The following MSI2 variants were observed in gnomAD, a reference collection of about 807,000 sequenced individuals.
The protein encoded by MSI2 is RNA-binding protein Musashi homolog 2.
In MSI2, 17 loss-of-function variants were observed where a neutral mutation model predicts 45.6. That is an observed-to-expected ratio of 0.37 (90% CI 0.26 to 0.56). MSI2 has a LOEUF of 0.56. Ranked by LOEUF, MSI2 falls within the 20% of genes least tolerant of loss-of-function variation. MSI2 has a pLI of 0.77. For synonymous variants in MSI2, 156 were observed against 158.2 expected (o/e 0.99, Z 0.11); for missense variants, 293 against 444.2 (o/e 0.66, Z 3.06).
chr17:57,338,350 G>A (rs1340156787), intron 5 of MSI2, among the ~76,000 whole-genome samples: 4 of 152,084 alleles, frequency 2.6e-5, no homozygotes, highest in Non-Finnish European at 4.4e-5. Context: ...TTGGCCCCCC[G>A]AAGTGCTGGG....
intron 4 of MSI2, 106 bp downstream of exon 4, chr17:57,258,460 T>C (rs1329554758): frequency 1.0e-6 from 1 of 989,540 alleles, no homozygotes; most frequent in Non-Finnish European, 1.6e-6. Context: ...GTGCTAGAAC[T>C]GGGTAGTTTT....
At chr17:57,484,009 G>C (rs916661590) in intron 6 of MSI2, among the ~76,000 whole-genome samples, 2 of 152,236 alleles carry the variant, frequency 1.3e-5, no homozygotes, top group Admixed American at 6.5e-5. Context: ...GGAACCGAGA[G>C]CTGGTTTTAC....
At chr17:57,264,512 C>T (rs929146746) in intron 5 of MSI2, 1 of 152,216 alleles carries the variant, frequency 6.6e-6, no homozygotes, top group African/African-American at 2.4e-5. Flanking sequence ...TGTGCCTGGC[C>T]AACCTGCTAT....
At chr17:57,639,285 G>T (rs537091636) in intron 10 of MSI2, among the ~76,000 whole-genome samples, 2 of 152,350 alleles carry the variant, frequency 1.3e-5, no homozygotes, top group African/African-American at 4.8e-5. Context: ...ATGAGGGAGG[G>T]TATTCCACCT....
Position 57,421,301 on chromosome 17 carries a change from A to G in MSI2, c.405+19830A>G, listed in dbSNP as rs375375222. On this transcript the variant is annotated intron_variant, in intron 6 of 13. Transcript: ENST00000284073. Reference sequence around the variant, plus strand: ...AAGCGCATGTTGACACTGAGAGGTCATGTGATTACTTTGACGGAGTATCTC... The same window carrying G: ...AAGCGCATGTTGACACTGAGAGGTCGTGTGATTACTTTGACGGAGTATCTC... Among the ~76,000 whole-genome samples the G allele has an allele frequency of 1.1e-3, 173 of 152,272 alleles. 1 individual carries two copies. The highest frequency in any genetic ancestry group is 4.1e-3 in the African/African-American group (169 of 41,566).
intron 7 of MSI2, among the ~76,000 whole-genome samples, chr17:57,570,545 C>T (rs17834633): frequency 0.069 from 10,513 of 152,194 alleles, 455 homozygotes; most frequent in Middle Eastern, 0.12. Context: ...AGACCCAAGT[C>T]GAATCTCTTC....
At chr17:57,498,829 A>G (rs536064090) in intron 6 of MSI2, among the ~76,000 whole-genome samples, 1 of 151,866 alleles carries the variant, frequency 6.6e-6, no homozygotes, top group South Asian at 2.1e-4. Context: ...CAGATTTGTT[A>G]TATATGTATA....
intron 7 of MSI2, among the ~76,000 whole-genome samples, chr17:57,580,392 C>T (rs998628076): frequency 2.0e-5 from 3 of 152,198 alleles, no homozygotes; most frequent in Non-Finnish European, 4.4e-5. Flanking sequence ...TGGCATTTGA[C>T]TTCAGGGCTT....
At chr17:57,346,856 C>T (rs1448071651) in intron 5 of MSI2, among the ~76,000 whole-genome samples, 1 of 152,160 alleles carries the variant, frequency 6.6e-6, no homozygotes, top group Non-Finnish European at 1.5e-5. Context: ...ATCTGCCTGT[C>T]CCGGCCTCCC....
intron 8 of MSI2, among the ~76,000 whole-genome samples, chr17:57,599,910 G>C (rs1567927251): frequency 6.6e-6 from 1 of 152,288 alleles, no homozygotes; most frequent in East Asian, 1.9e-4. Context: ...GTCTGCACAG[G>C]GTGCAAGCTT....
intron 11 of MSI2, among the ~76,000 whole-genome samples, chr17:57,674,274 G>C (rs1447889236): frequency 2.0e-5 from 3 of 149,282 alleles, no homozygotes; most frequent in Admixed American, 2.0e-4. Context: ...CCAGTGGGGA[G>C]GGGCGGGTGG....
chr17:57,660,464 G>T (rs1234659839), intron 11 of MSI2, among the ~76,000 whole-genome samples: 1 of 152,154 alleles, frequency 6.6e-6, no homozygotes, highest in Non-Finnish European at 1.5e-5. Context: ...GACAACCAGT[G>T]GATGCCCACC....
At chr17:57,282,769 A>G (rs1034941196) in intron 5 of MSI2, among the ~76,000 whole-genome samples, 1 of 123,690 alleles carries the variant, frequency 8.1e-6, no homozygotes, top group African/African-American at 3.2e-5. Flanking sequence ...CCGTGACAAG[A>G]TATTATTCAC....
rs1008632865 is a variant in MSI2 at position 57,256,803 on chromosome 17, G to A, written c.61G>A (p.Gly21Ser). The A allele has an allele frequency of 6.8e-7, 1 of 1,472,400 alleles. No individual in the cohort carries two copies. The allele number at this position is 1,472,400 out of a possible 1,614,324, so 91.2% of individuals were successfully genotyped here. A position where few individuals can be genotyped will look rare whatever the true frequency, so the allele number is the denominator to read the frequency against. ...CGCCAACGACTCCCAGCACGACCCC[G>A]GGTAAGTTTCCAGCCGCTGCCCACC... ...GSANDSQHDPGKMFIGGLSWQ... is the reference protein window; with the variant it reads ...GSANDSQHDPSKMFIGGLSWQ... The change falls in exon 1 of 14, where the codon GGT becomes AGT. Residue 21 changes from glycine (G) to serine (S), a missense_variant and splice_region_variant. Physicochemically the swap from Gly to Ser is moderately conservative, Grantham distance 56. Transcript: ENST00000284073.
Position 57,635,756 on chromosome 17 carries a change from G to GC in MSI2, c.727+8453_727+8454insC, listed in dbSNP as rs143615651. Reference sequence around the variant, plus strand: ...CTACCTCTTCAGCAACGGAAAACAGGTTTGCTCTCGGGTCCTGATGCTGAC... The same window carrying GC: ...CTACCTCTTCAGCAACGGAAAACAGGCTTTGCTCTCGGGTCCTGATGCTGAC... On this transcript the variant is annotated intron_variant, in intron 10 of 13. Coordinates refer to ENST00000284073, the MANE Select transcript of MSI2 (RefSeq NM_138962.4). Among the ~76,000 whole-genome samples the GC allele has an allele frequency of 2.0e-3, 300 of 152,364 alleles. 11 individuals carry two copies. In the East Asian group the frequency reaches 0.051, roughly 26 times the overall value.
intron 7 of MSI2, chr17:57,531,796 C>A (rs1011183951): frequency 6.6e-6 from 1 of 152,182 alleles, no homozygotes; most frequent in Admixed American, 6.6e-5. Context: ...GGTTGAAACA[C>A]CGGACTTTGG....
chr17:57,673,926 T>C (rs1913014221), intron 11 of MSI2, among the ~76,000 whole-genome samples: 1 of 152,070 alleles, frequency 6.6e-6, no homozygotes, highest in Non-Finnish European at 1.5e-5. Flanking sequence ...GTCGGTATGT[T>C]CTGCATTCAT....
chr17:57,285,992 T>C (rs1241551445), intron 5 of MSI2: 17 of 1,533,218 alleles, frequency 1.1e-5, no homozygotes, highest in Non-Finnish European at 1.5e-5. Context: ...ATCTGTTTTA[T>C]ATTCCTGCAA....
chr17:57,303,094 G>A (rs535381161), intron 5 of MSI2, among the ~76,000 whole-genome samples: 2 of 152,308 alleles, frequency 1.3e-5, no homozygotes, highest in Middle Eastern at 3.4e-3. Flanking sequence ...TTCCCTGTCC[G>A]GTGTTCACGG....
Sources: allele counts gnomAD v4.1 joint callset (sites outside exome capture counted in the v4.1 genomes callset), GRCh38; gene constraint gnomAD v4.1.1; transcripts MANE v1.5; gene names NCBI Gene and HGNC (gene_info 2026-07-23, HGNC 2026-07-21).